The following BCAR3 variants were observed in gnomAD, a reference collection of about 807,000 sequenced individuals.
BCAR3 encodes breast cancer anti-estrogen resistance protein 3.
A neutral mutation model predicts 80.1 loss-of-function variants in BCAR3; 37 were observed. The ratio of observed to expected loss-of-function variants is 0.46; its 90% CI spans 0.36 to 0.61. BCAR3 has a LOEUF of 0.61. BCAR3 is among the 20% of genes least tolerant of loss of function. BCAR3 has a pLI of 0.00. For synonymous variants in BCAR3, 389 were observed against 418.9 expected, an observed-to-expected ratio of 0.93 and a Z score of 0.87; for missense variants, 978 against 1,068.2, an observed-to-expected ratio of 0.92 and a Z score of 1.18.
chr1:93,590,157 T>A (rs2101846851), intron 4 of BCAR3: 1 of 152,314 alleles, frequency 6.6e-6, no homozygotes, highest in South Asian at 2.1e-4. Flanking sequence ...ACAGTTACTA[T>A]CAGGGTTATG....
intron 2 of BCAR3, among the ~76,000 whole-genome samples, chr1:93,653,093 T>C (rs1174336358): frequency 1.3e-5 from 2 of 152,218 alleles, no homozygotes; most frequent in African/African-American, 4.8e-5. Context: ...GTACAGACCT[T>C]CTTTTCCAAG....
chr1:93,587,050 C>G (rs1265596574), intron 5 of BCAR3, among the ~76,000 whole-genome samples: 1 of 152,236 alleles, frequency 6.6e-6, no homozygotes, highest in Non-Finnish European at 1.5e-5. Flanking sequence ...GTTGGGATTA[C>G]AGGCGTGAGC....
At chr1:93,713,210 C>T (rs1345691445) in intron 2 of BCAR3, among the ~76,000 whole-genome samples, 3 of 152,144 alleles carry the variant, frequency 2.0e-5, no homozygotes, top group African/African-American at 7.2e-5. Flanking sequence ...TATTGGACGG[C>T]ACACTCTAGG....
At chr1:93,601,901 G>T (rs904701750) in intron 3 of BCAR3, among the ~76,000 whole-genome samples, 3 of 152,138 alleles carry the variant, frequency 2.0e-5, no homozygotes, top group Non-Finnish European at 1.5e-5. Flanking sequence ...TGCTATCAGG[G>T]TTCTCAAACA....
chr1:93,599,692 T>G (rs1474021790), intron 3 of BCAR3: 1 of 152,186 alleles, frequency 6.6e-6, no homozygotes, highest in African/African-American at 2.4e-5. Flanking sequence ...TTAGGGTCGG[T>G]GCCTGGTAGG....
At chr1:93,638,265 G>C (rs1007579634) in intron 3 of BCAR3, among the ~76,000 whole-genome samples, 3 of 152,130 alleles carry the variant, frequency 2.0e-5, no homozygotes, top group Admixed American at 6.6e-5. Flanking sequence ...AAAAGAACCA[G>C]AGTGTGGACC....
intron 2 of BCAR3, among the ~76,000 whole-genome samples, chr1:93,787,929 T>C (rs971712981): frequency 2.0e-5 from 3 of 152,202 alleles, no homozygotes; most frequent in African/African-American, 7.2e-5. Context: ...CCCTCACTAT[T>C]ATTGTGTTGC....
chr1:93,631,943 G>A (rs1236475483), intron 3 of BCAR3, among the ~76,000 whole-genome samples: 1 of 152,128 alleles, frequency 6.6e-6, no homozygotes, highest in Non-Finnish European at 1.5e-5. Flanking sequence ...ACAAAGCAGT[G>A]TCTGGCCTGA....
At chr1:93,741,757 G>C (rs1571088332) in intron 2 of BCAR3, among the ~76,000 whole-genome samples, 2 of 152,218 alleles carry the variant, frequency 1.3e-5, no homozygotes, top group South Asian at 4.2e-4. Context: ...TATTAGTAGA[G>C]ACAGGGTTTC....
In BCAR3 at chr1:93,705,466, G is replaced by A. The variant is rs530858437; in HGVS notation, c.-12+626C>T. On this transcript the variant is annotated intron_variant, in intron 3 of 13. Transcript: ENST00000370244. ...GGTGCTTCAATAAAATATAACTTCC[G>A]ACCACCTCCAGCCCTAACACTCCCC... is the stretch of plus-strand genomic sequence containing the variant. Among the ~76,000 whole-genome samples the A allele has an allele frequency of 2.0e-4, 31 of 152,190 alleles. No individual in the cohort carries two copies. In the South Asian group the frequency reaches 5.0e-3, roughly 24 times the overall value.
chr1:93,768,346 C>T (rs1652230909), intron 2 of BCAR3, among the ~76,000 whole-genome samples: 1 of 152,134 alleles, frequency 6.6e-6, no homozygotes, highest in South Asian at 2.1e-4. Context: ...CAGTAGAATC[C>T]ATGCCCAAGG....
chr1:93,718,607 T>C (rs977114159), intron 2 of BCAR3, among the ~76,000 whole-genome samples: 1 of 151,812 alleles, frequency 6.6e-6, no homozygotes, highest in African/African-American at 2.4e-5. Flanking sequence ...TTAAGTGAAC[T>C]AATGTAAAGT....
At chr1:93,749,889 ATTT>A (rs368121693) in intron 2 of BCAR3, among the ~76,000 whole-genome samples, 4 of 133,482 alleles carry the variant, frequency 3.0e-5, no homozygotes, top group Admixed American at 7.5e-5. Context: ...ATCTTGACTT[ATTT>A]TTTTTTTTTT....
intron 2 of BCAR3, among the ~76,000 whole-genome samples, chr1:93,663,649 T>A (rs2101934054): frequency 6.6e-6 from 1 of 152,340 alleles, no homozygotes; most frequent in Non-Finnish European, 1.5e-5. Flanking sequence ...GCATCCTTCC[T>A]CTGAGGGCTC....
At chr1:93,609,854 T>G (rs1674896995) in intron 3 of BCAR3, among the ~76,000 whole-genome samples, 1 of 152,176 alleles carries the variant, frequency 6.6e-6, no homozygotes, top group African/African-American at 2.4e-5. Context: ...TAACTTCGAC[T>G]AATTCACCAG....
chr1:93,565,920 A>G (rs879404313), intron 11 of BCAR3, among the ~76,000 whole-genome samples: 2 of 152,212 alleles, frequency 1.3e-5, no homozygotes, highest in African/African-American at 4.8e-5. Flanking sequence ...GTAATGGAAA[A>G]TAGTCATCCT....
intron 3 of BCAR3, 124 bp downstream of exon 3, chr1:93,642,172 TCCCTGTTG>T: frequency 9.8e-7 from 1 of 1,020,092 alleles, no homozygotes; most frequent in South Asian, 1.4e-5. Context: ...TCAAATTTCC[TCCCTGTTG>T]TTTTGGAGAG....
chr1:93,590,673 G>A (rs1337175013), intron 4 of BCAR3, among the ~76,000 whole-genome samples: 1 of 152,186 alleles, frequency 6.6e-6, no homozygotes, highest in East Asian at 1.9e-4. Context: ...GGCTACCATG[G>A]TTACTTTAAA....
chr1:93,732,343 A>G (rs1228691196), intron 2 of BCAR3, among the ~76,000 whole-genome samples: 2 of 152,180 alleles, frequency 1.3e-5, no homozygotes, highest in Admixed American at 1.3e-4. Flanking sequence ...GGCCAGGTGC[A>G]GTGGCTCATG....
Sources: gnomAD v4.1 joint callset for allele counts (sites outside exome capture counted in the v4.1 genomes callset) on GRCh38, gnomAD v4.1.1 for gene constraint, MANE v1.5 for transcripts, NCBI Gene and HGNC (gene_info 2026-07-23, HGNC 2026-07-21) for gene names.